The following MAP4K4 variants were observed in gnomAD, a reference collection of about 807,000 sequenced individuals.
The protein encoded by MAP4K4 is HPK/GCK-like kinase HGK.
In MAP4K4, 38 loss-of-function variants were observed where a neutral mutation model predicts 189.6. The ratio of observed to expected loss-of-function variants is 0.20; its 90% CI spans 0.15 to 0.26. The LOEUF (loss-of-function observed/expected upper bound fraction) is 0.26, where lower values mean the gene tolerates loss of function less well. Ranked by LOEUF, MAP4K4 falls within the 10% of genes least tolerant of loss-of-function variation. MAP4K4 has a pLI of 1.00. For missense variants in MAP4K4, 1,054 were observed against 1,726.9 expected, an observed-to-expected ratio of 0.61 and a Z score of 6.91; for synonymous variants, 610 against 624.3, an observed-to-expected ratio of 0.98 and a Z score of 0.34.
intron 23 of MAP4K4, 50 bp from the exon 24 acceptor site, chr2:101,871,444 G>A: frequency 1.4e-6 from 2 of 1,434,330 alleles, no homozygotes; most frequent in Non-Finnish European, 1.9e-6. Flanking sequence ...AGGGCCATAG[G>A]CAATTTTAGC....
chr2:101,724,246 A>G (rs1334198827), intron 2 of MAP4K4, among the ~76,000 whole-genome samples: 2 of 152,196 alleles, frequency 1.3e-5, no homozygotes, highest in African/African-American at 4.8e-5. Flanking sequence ...ACACTGGAAC[A>G]ACCTAAGATG....
intron 22 of MAP4K4, 158 bp downstream of exon 22, chr2:101,869,955 C>A: frequency 1.0e-6 from 1 of 963,038 alleles, no homozygotes. Flanking sequence ...TTCCCCTTCT[C>A]TTCGTTGGTG....
intron 2 of MAP4K4, among the ~76,000 whole-genome samples, chr2:101,705,400 A>G (rs1448331697): frequency 6.9e-6 from 1 of 145,774 alleles, no homozygotes; most frequent in East Asian, 2.0e-4. Context: ...TGCCCAGCAC[A>G]CTTGTGTTCA....
intron 2 of MAP4K4, among the ~76,000 whole-genome samples, chr2:101,719,122 T>A (rs1348916056): frequency 2.0e-5 from 3 of 152,158 alleles, no homozygotes; most frequent in African/African-American, 4.8e-5. Context: ...ACCCCTTAGC[T>A]TACAGAGAGT....
At chr2:101,798,568 A>C (rs1170064420) in intron 3 of MAP4K4, among the ~76,000 whole-genome samples, 1 of 152,198 alleles carries the variant, frequency 6.6e-6, no homozygotes, top group Non-Finnish European at 1.5e-5. Flanking sequence ...TAAAGTCACA[A>C]TAGAGTCCTG....
At chr2:101,823,842 C>T (rs755161691) in intron 3 of MAP4K4, 86 bp from the exon 4 acceptor site, 1 of 1,166,452 alleles carries the variant, frequency 8.6e-7, no homozygotes, top group Non-Finnish European at 1.2e-6. Context: ...AACTTGTGTT[C>T]CTTTCATTAT....
rs140916212 is a variant in MAP4K4, at chr2:101,702,303, C to T, written c.123+3765C>T. Reference sequence around the variant, plus strand: ...ATTGTCAACCGGACGCGGTGGCTTACGCTTGTAAATCCCAGCACTTTGAGA... The same window carrying T: ...ATTGTCAACCGGACGCGGTGGCTTATGCTTGTAAATCCCAGCACTTTGAGA... On this transcript the variant is annotated intron_variant, in intron 2 of 32. Coordinates refer to ENST00000324219, the Ensembl canonical transcript of MAP4K4. 1.4e-3 allele frequency among the ~76,000 whole-genome samples: 212 copies of T among 152,232 alleles called. 1 individual carries two copies. The highest frequency in any genetic ancestry group is 4.6e-3 in the African/African-American group (192 of 41,538).
At chr2:101,797,889 G>GTGTTTTTTTTTTTT (rs1553478618) in intron 3 of MAP4K4, among the ~76,000 whole-genome samples, 639 of 52,326 alleles carry the variant, frequency 0.012, 173 homozygotes, top group Middle Eastern at 0.031. Flanking sequence ...CATTCTTTTA[G>GTGTTTTTTTTTTTT]TTTTTTTTTT....
intron 27 of MAP4K4, among the ~76,000 whole-genome samples, chr2:101,877,951 A>C (rs1209650593): frequency 6.6e-6 from 1 of 152,068 alleles, no homozygotes; most frequent in East Asian, 1.9e-4. Flanking sequence ...GGGTTTCACC[A>C]TGTTAGCCAG....
intron 2 of MAP4K4, among the ~76,000 whole-genome samples, chr2:101,725,139 G>A (rs529643582): frequency 5.9e-5 from 9 of 152,242 alleles, no homozygotes; most frequent in African/African-American, 1.9e-4. Context: ...CAAGCAACAC[G>A]TGACTGTACT....
chr2:101,787,397 C>A (rs890159305), intron 2 of MAP4K4, among the ~76,000 whole-genome samples: 1 of 152,152 alleles, frequency 6.6e-6, no homozygotes, highest in Non-Finnish European at 1.5e-5. Context: ...TTTATAGTTA[C>A]GTGCATTTTC....
At chr2:101,871,557 C>T (rs1250808141) in exon 24 of MAP4K4, 1 of 1,536,316 alleles carries the variant, frequency 6.5e-7, no homozygotes, top group South Asian at 1.2e-5. Flanking sequence ...TCGCATTCAC[C>T]TCTTGCCAGA....
chr2:101,787,762 A>C (rs1405553948), intron 2 of MAP4K4, among the ~76,000 whole-genome samples: 1 of 151,296 alleles, frequency 6.6e-6, no homozygotes, highest in Non-Finnish European at 1.5e-5. Flanking sequence ...GACCCATCTC[A>C]GCAGGTAGAT....
intron 32 of MAP4K4, among the ~76,000 whole-genome samples, chr2:101,889,649 TTTC>T (rs1035755202): frequency 6.6e-6 from 1 of 152,150 alleles, no homozygotes; most frequent in Non-Finnish European, 1.5e-5. Flanking sequence ...CTACCCTTTC[TTTC>T]TTCTGCCCAG....
chr2:101,873,476 T>TGGAA (rs1287951352), intron 24 of MAP4K4, among the ~76,000 whole-genome samples, 171 bp from the exon 25 acceptor site: 2 of 152,046 alleles, frequency 1.3e-5, no homozygotes, highest in Non-Finnish European at 1.5e-5. Context: ...CCCTGAGGGG[T>TGGAA]GCTATGCCAC....
At chr2:101,870,592 G>T in intron 23 of MAP4K4, 177 bp downstream of exon 23, 1 of 742,422 alleles carries the variant, frequency 1.3e-6, no homozygotes, top group Non-Finnish European at 2.1e-6. Flanking sequence ...TGCATGCCCA[G>T]AAGGTAGCGA....
chr2:101,781,713 T>G (rs1575454537), intron 2 of MAP4K4, among the ~76,000 whole-genome samples: 1 of 152,292 alleles, frequency 6.6e-6, no homozygotes. Flanking sequence ...CACGTGAACT[T>G]TGGGGACATT....
intron 2 of MAP4K4, among the ~76,000 whole-genome samples, chr2:101,712,204 TA>T (rs2045988012): frequency 6.6e-6 from 1 of 152,072 alleles, no homozygotes; most frequent in Admixed American, 6.5e-5. Flanking sequence ...TATTTATTTT[TA>T]TTTTTTTGAG....
chr2:101,871,606 C>T (rs1170598641), exon 24 of MAP4K4: 13 of 1,536,402 alleles, frequency 8.5e-6, no homozygotes, highest in Admixed American at 3.9e-5. Flanking sequence ...ACTTCCTCCA[C>T]CTCCTCCTCC....
Sources: allele counts gnomAD v4.1 joint callset (sites outside exome capture counted in the v4.1 genomes callset), GRCh38; gene constraint gnomAD v4.1.1; transcripts MANE v1.5; gene names NCBI Gene and HGNC (gene_info 2026-07-23, HGNC 2026-07-21).